DPYD: variants seen among roughly 807,000 people sequenced by gnomAD.
The protein encoded by DPYD is dihydropyrimidine dehydrogenase [NADP(+)].
DPYD carries 109 observed loss-of-function variants against 116.2 expected under a neutral mutation model. The ratio of observed to expected loss-of-function variants is 0.94; its 90% CI spans 0.80 to 1.10. The LOEUF (loss-of-function observed/expected upper bound fraction) is 1.10. Ranked by LOEUF, DPYD falls within the 50% of genes least tolerant of loss-of-function variation. The pLI is 0.00. For missense variants in DPYD, 1,302 were observed against 1,254.5 expected (o/e 1.04, Z -0.57); for synonymous variants, 440 against 432.0 (o/e 1.02, Z -0.23).
intron 3 of DPYD, among the ~76,000 whole-genome samples, chr1:97,745,772 G>A (rs1664514165): frequency 6.6e-6 from 1 of 151,986 alleles, no homozygotes; most frequent in South Asian, 2.1e-4. Context: ...CAGTGGCCAA[G>A]GCAGTGGAGG....
intron 20 of DPYD, among the ~76,000 whole-genome samples, chr1:97,160,061 T>C (rs1655776341): frequency 6.6e-6 from 1 of 152,058 alleles, no homozygotes; most frequent in Non-Finnish European, 1.5e-5. Flanking sequence ...ACATAGTGTT[T>C]TACTGTTTGG....
At chr1:97,834,407 CTG>C (rs1051272540) in intron 2 of DPYD, among the ~76,000 whole-genome samples, 3 of 150,416 alleles carry the variant, frequency 2.0e-5, no homozygotes, top group Non-Finnish European at 4.4e-5. Context: ...AATAGGGTAA[CTG>C]TTATAAGGTA....
At chr1:97,103,435 AC>A (rs1242180040) in intron 20 of DPYD, among the ~76,000 whole-genome samples, 1 of 152,146 alleles carries the variant, frequency 6.6e-6, no homozygotes, top group Admixed American at 6.6e-5. Flanking sequence ...AAAGACAGAG[AC>A]AGAAAGTCCA....
intron 19 of DPYD, among the ~76,000 whole-genome samples, chr1:97,229,047 C>A (rs1328625957): frequency 1.3e-5 from 2 of 150,810 alleles, no homozygotes; most frequent in African/African-American, 4.9e-5. Flanking sequence ...AATACACACA[C>A]AAAAAAATTA....
At chr1:97,215,824 C>T (rs999660788) in intron 19 of DPYD, among the ~76,000 whole-genome samples, 3 of 152,166 alleles carry the variant, frequency 2.0e-5, no homozygotes, top group African/African-American at 7.2e-5. Context: ...ATACTTGTGA[C>T]TGAAAGTGAC....
intron 18 of DPYD, among the ~76,000 whole-genome samples, chr1:97,235,496 C>T (rs1318932180): frequency 1.3e-5 from 2 of 151,998 alleles, no homozygotes; most frequent in African/African-American, 4.8e-5. Flanking sequence ...TGGTGGCAGG[C>T]TCCTGTAATC....
At chr1:97,570,775 T>A (rs1476540897) in intron 11 of DPYD, among the ~76,000 whole-genome samples, 1 of 151,798 alleles carries the variant, frequency 6.6e-6, no homozygotes, top group Non-Finnish European at 1.5e-5. Context: ...CACTTTGTAA[T>A]AAAATTAATT....
At chr1:97,278,883 A>G (rs1291019127) in intron 18 of DPYD, among the ~76,000 whole-genome samples, 1 of 152,096 alleles carries the variant, frequency 6.6e-6, no homozygotes, top group Non-Finnish European at 1.5e-5. Context: ...ACATAAATAT[A>G]TATTACACTC....
chr1:97,084,527 A>G (rs1649378547), intron 21 of DPYD, among the ~76,000 whole-genome samples: 1 of 151,632 alleles, frequency 6.6e-6, no homozygotes, highest in Non-Finnish European at 1.5e-5. Flanking sequence ...GCCAATATCT[A>G]TTATATGGAA....
intron 15 of DPYD, among the ~76,000 whole-genome samples, chr1:97,378,958 A>G (rs796675189): frequency 1.3e-5 from 2 of 152,330 alleles, no homozygotes; most frequent in African/African-American, 4.8e-5. Flanking sequence ...CTCTTTAAGG[A>G]AAAAACAATA....
chr1:97,388,009 G>A (rs1240790061), intron 14 of DPYD, among the ~76,000 whole-genome samples: 1 of 152,074 alleles, frequency 6.6e-6, no homozygotes, highest in East Asian at 1.9e-4. Flanking sequence ...GTGGGTTAAG[G>A]GTGAAAGCAA....
chr1:97,633,666 G>T (rs919034420), intron 8 of DPYD, among the ~76,000 whole-genome samples: 15 of 152,052 alleles, frequency 9.9e-5, no homozygotes, highest in African/African-American at 3.1e-4. Context: ...CTAGGTAAGA[G>T]AAAAGGTCTA....
intron 8 of DPYD, among the ~76,000 whole-genome samples, chr1:97,668,411 G>A (rs1415044289): frequency 2.6e-5 from 4 of 151,986 alleles, no homozygotes; most frequent in Non-Finnish European, 1.5e-5. Context: ...ATTACTTTGT[G>A]AGAATTAAAC....
intron 14 of DPYD, among the ~76,000 whole-genome samples, chr1:97,399,944 T>C (rs1190103783): frequency 6.6e-6 from 1 of 152,166 alleles, no homozygotes; most frequent in Non-Finnish European, 1.5e-5. Context: ...CTTTATTTCC[T>C]TCTCCTGCCT....
chr1:97,440,089 A>C (rs1315253503), intron 14 of DPYD, among the ~76,000 whole-genome samples: 1 of 152,076 alleles, frequency 6.6e-6, no homozygotes, highest in Non-Finnish European at 1.5e-5. Flanking sequence ...CAGCCTGACC[A>C]ACATGGAGAA....
chr1:97,691,687 A>T (rs770364216), intron 7 of DPYD, 30 bp downstream of exon 7: 1 of 1,569,150 alleles, frequency 6.4e-7, no homozygotes, highest in Non-Finnish European at 8.8e-7. Flanking sequence ...CTTTTTGAGC[A>T]GTACACAGAT....
chr1:97,914,006 G>A (rs76003396), intron 1 of DPYD, among the ~76,000 whole-genome samples: 31,318 of 152,052 alleles, frequency 0.21, 3,432 homozygotes, highest in South Asian at 0.24. Flanking sequence ...TCAGTCAAGA[G>A]TGCCTCAAGG....
chr1:97,090,744 G>T (rs547660786), intron 21 of DPYD, among the ~76,000 whole-genome samples: 1 of 152,094 alleles, frequency 6.6e-6, no homozygotes, highest in East Asian at 1.9e-4. Context: ...TAAAATTCAC[G>T]TTGTATTCCT....
At chr1:97,255,467 T>C (rs893532095) in intron 18 of DPYD, among the ~76,000 whole-genome samples, 2 of 152,016 alleles carry the variant, frequency 1.3e-5, no homozygotes, top group Non-Finnish European at 2.9e-5. Flanking sequence ...TCTCATGAGA[T>C]CTGATGGTTT....
Sources: allele counts gnomAD v4.1 joint callset (sites outside exome capture counted in the v4.1 genomes callset), GRCh38; gene constraint gnomAD v4.1.1; transcripts MANE v1.5; gene names NCBI Gene and HGNC (gene_info 2026-07-23, HGNC 2026-07-21).